Variants in ASAP1 observed in about 807,000 individuals in gnomAD.
The protein encoded by ASAP1 is ArfGAP with SH3 domain, ankyrin repeat and PH domain 1, also known as arf-GAP with SH3 domain, ANK repeat and PH domain-containing protein 1.
A neutral mutation model predicts 145.2 loss-of-function variants in ASAP1; 43 were observed. The ratio of observed to expected loss-of-function variants is 0.30; its 90% CI spans 0.23 to 0.38. The LOEUF is 0.38. ASAP1 is among the 10% of genes least tolerant of loss of function. The pLI is 1.00. For synonymous variants in ASAP1, 546 were observed against 515.5 expected, an observed-to-expected ratio of 1.06 and a Z score of -0.80; for missense variants, 1,018 against 1,355.3, an observed-to-expected ratio of 0.75 and a Z score of 3.91.
chr8:130,176,970 G>A (rs1586522549), intron 9 of ASAP1, among the ~76,000 whole-genome samples: 1 of 152,028 alleles, frequency 6.6e-6, no homozygotes, highest in Non-Finnish European at 1.5e-5. Context: ...GATTACAGGC[G>A]TGAGCCACCG....
intron 2 of ASAP1, among the ~76,000 whole-genome samples, chr8:130,382,217 C>T (rs543353796): frequency 7.8e-6 from 1 of 128,560 alleles, no homozygotes. Flanking sequence ...ACCCAGGAGG[C>T]GGAGCTTGCA....
At position 130,092,043 on chromosome 8, in the gene ASAP1, G is replaced by A. The variant is rs746898725; in HGVS notation, c.2502C>T (p.His834=). 1 of 1,577,486 alleles carries A rather than the reference G, an allele frequency of 6.3e-7. No homozygotes were observed. Among genetic ancestry groups the A allele is most frequent in the African/African-American group, 1.4e-5 (1 of 71,650 alleles). ...TGGGAGGGTCGGATAGGGTTCTCTT[G>A]TGTCCGGGTGGTGGGGGAGGAGGCC... The part of the protein sequence containing the change: ...KKRPPPPPPG[H]KRTLSDPPSP... The change falls in exon 25 of 30, where the codon CAC becomes CAT. Residue 834 remains histidine, a synonymous_variant. Coordinates refer to ENST00000518721, the MANE Select transcript of ASAP1 (RefSeq NM_018482.4).
intron 4 of ASAP1, among the ~76,000 whole-genome samples, chr8:130,229,877 C>T (rs1295820419): frequency 6.6e-6 from 1 of 151,936 alleles, no homozygotes; most frequent in Non-Finnish European, 1.5e-5. Context: ...CCCATCTCTA[C>T]CAAACACCAC....
intron 24 of ASAP1, among the ~76,000 whole-genome samples, chr8:130,107,686 T>C (rs889199191): frequency 3.3e-5 from 5 of 151,956 alleles, no homozygotes; most frequent in African/African-American, 1.2e-4. Context: ...TAGCTGGGAT[T>C]ACAGGCACGG....
At chr8:130,225,327 T>C (rs1817526659) in intron 4 of ASAP1, among the ~76,000 whole-genome samples, 1 of 152,238 alleles carries the variant, frequency 6.6e-6, no homozygotes, top group Admixed American at 6.5e-5. Context: ...TCCGGCCTTA[T>C]GTTCCTAAGC....
intron 1 of ASAP1, among the ~76,000 whole-genome samples, chr8:130,408,322 C>T (rs1436360784): frequency 1.3e-5 from 2 of 152,180 alleles, no homozygotes; most frequent in African/African-American, 4.8e-5. Context: ...GAGTACCCTT[C>T]CCAACGTGAG....
chr8:130,073,922 G>T (rs921953976), intron 27 of ASAP1, among the ~76,000 whole-genome samples: 1 of 152,168 alleles, frequency 6.6e-6, no homozygotes, highest in African/African-American at 2.4e-5. Flanking sequence ...TGACAGGCAG[G>T]GGAACACGTT....
chr8:130,224,762 C>T (rs1817494966), intron 4 of ASAP1, among the ~76,000 whole-genome samples: 1 of 152,156 alleles, frequency 6.6e-6, no homozygotes, highest in African/African-American at 2.4e-5. Context: ...CAGCTTTTGC[C>T]ATCAAAACAC....
At chr8:130,342,980 T>C (rs918502163) in intron 3 of ASAP1, among the ~76,000 whole-genome samples, 4 of 152,178 alleles carry the variant, frequency 2.6e-5, no homozygotes, top group African/African-American at 7.2e-5. Flanking sequence ...AGGTTGGGTC[T>C]GTGAAAGATA....
chr8:130,311,122 G>C (rs932676993), intron 3 of ASAP1, among the ~76,000 whole-genome samples: 3 of 152,200 alleles, frequency 2.0e-5, no homozygotes, highest in Non-Finnish European at 4.4e-5. Context: ...ACAAATTGCA[G>C]GCCTGGAAAA....
At chr8:130,185,298 G>A (rs1489291701) in intron 7 of ASAP1, among the ~76,000 whole-genome samples, 11 of 152,136 alleles carry the variant, frequency 7.2e-5, no homozygotes, top group Non-Finnish European at 1.6e-4. Flanking sequence ...TACATTTCCA[G>A]GTCTGAATAA....
At chr8:130,219,725 T>A (rs1418385977) in intron 4 of ASAP1, among the ~76,000 whole-genome samples, 1 of 152,184 alleles carries the variant, frequency 6.6e-6, no homozygotes, top group Non-Finnish European at 1.5e-5. Flanking sequence ...AGAAGACACA[T>A]TCTTTCCCAA....
intron 3 of ASAP1, among the ~76,000 whole-genome samples, chr8:130,275,597 G>A (rs981221204): frequency 4.6e-5 from 7 of 151,628 alleles, no homozygotes; most frequent in African/African-American, 1.5e-4. Context: ...AAAGCAATTC[G>A]TTCAAATTTT....
chr8:130,179,192 G>A (rs1280442492), intron 9 of ASAP1, 72 bp downstream of exon 9: 5 of 936,672 alleles, frequency 5.3e-6, no homozygotes, highest in African/African-American at 5.0e-5. Flanking sequence ...GATATGAAGA[G>A]GATTAAGACA....
intron 3 of ASAP1, among the ~76,000 whole-genome samples, chr8:130,291,214 T>C (rs1821925262): frequency 6.6e-6 from 1 of 152,232 alleles, no homozygotes; most frequent in Non-Finnish European, 1.5e-5. Context: ...CAAATTCTCC[T>C]AGTGTCGAAA....
chr8:130,110,796 A>G (rs1338206984), intron 24 of ASAP1, among the ~76,000 whole-genome samples: 3 of 152,186 alleles, frequency 2.0e-5, no homozygotes, highest in Admixed American at 6.5e-5. Context: ...AGCTCTGAAA[A>G]AACACTGTTT....
intron 3 of ASAP1, among the ~76,000 whole-genome samples, chr8:130,297,578 C>T (rs955041869): frequency 1.3e-5 from 2 of 152,234 alleles, no homozygotes; most frequent in African/African-American, 4.8e-5. Context: ...CTGTAATCTA[C>T]AGAAGTGCAG....
chr8:130,300,799 T>C (rs897671359), intron 3 of ASAP1, among the ~76,000 whole-genome samples: 2 of 152,184 alleles, frequency 1.3e-5, no homozygotes, highest in African/African-American at 4.8e-5. Context: ...CTGGCTTCCT[T>C]TGGCCAAGAA....
intron 7 of ASAP1, among the ~76,000 whole-genome samples, chr8:130,182,256 T>C (rs965705217): frequency 6.6e-6 from 1 of 152,162 alleles, no homozygotes; most frequent in Non-Finnish European, 1.5e-5. Flanking sequence ...CCTCCAGTGA[T>C]CCCACTAAAA....
Sources: gnomAD v4.1 joint callset for allele counts (sites outside exome capture counted in the v4.1 genomes callset) on GRCh38, gnomAD v4.1.1 for gene constraint, MANE v1.5 for transcripts, NCBI Gene and HGNC (gene_info 2026-07-23, HGNC 2026-07-21) for gene names.